Variants in ZFTRAF1 observed in about 807,000 individuals in gnomAD.
ZFTRAF1 encodes the protein zinc finger TRAF-type and ring finger containing 1.
the ZFTRAF1 span, chr8:144,452,254 G>T: frequency 7.8e-7 from 1 of 1,287,282 alleles, no homozygotes; most frequent in Non-Finnish European, 1.1e-6. Context: ...CGGCTGTCCG[G>T]CGCTGTCAGT....
At chr8:144,460,997 C>G in the ZFTRAF1 span, among the ~76,000 whole-genome samples, 1 of 152,238 alleles carries the variant, frequency 6.6e-6, no homozygotes, top group Non-Finnish European at 1.5e-5. Flanking sequence ...CAAGGAGTAA[C>G]TGCTAACTCT....
chr8:144,453,656 T>C, the ZFTRAF1 span: 2 of 588,208 alleles, frequency 3.4e-6, no homozygotes, highest in Non-Finnish European at 6.0e-6. Context: ...CAGAGCCAGC[T>C]TGGGTTCTTG....
At chr8:144,452,481 G>A in the ZFTRAF1 span, 1 of 1,547,582 alleles carries the variant, frequency 6.5e-7, no homozygotes. Context: ...TGTCTTGGTC[G>A]GGTGGGCGCA....
At chr8:144,458,294 C>T in the ZFTRAF1 span, among the ~76,000 whole-genome samples, 14 of 152,234 alleles carry the variant, frequency 9.2e-5, no homozygotes, top group Non-Finnish European at 1.8e-4. Context: ...CTGCTTAGAT[C>T]TAAAAGTAAC....
At chr8:144,461,941 G>A in the ZFTRAF1 span, among the ~76,000 whole-genome samples, 2 of 152,160 alleles carry the variant, frequency 1.3e-5, no homozygotes, top group African/African-American at 4.8e-5. Context: ...ATCAGTTTGA[G>A]GCTGTGGGTT....
At chr8:144,452,698 C>T in the ZFTRAF1 span, 3 of 842,844 alleles carry the variant, frequency 3.6e-6, no homozygotes, top group Non-Finnish European at 5.5e-6. Context: ...TGTGAGCCCA[C>T]CCCCCAGGAT....
At chr8:144,457,993 G>A in the ZFTRAF1 span, 3 of 152,384 alleles carry the variant, frequency 2.0e-5, no homozygotes, top group Non-Finnish European at 4.4e-5. Flanking sequence ...TGCTCAGCCA[G>A]TTGGAGGTCC....
the ZFTRAF1 span, among the ~76,000 whole-genome samples, chr8:144,458,630 G>A: frequency 6.6e-6 from 1 of 152,182 alleles, no homozygotes; most frequent in African/African-American, 2.4e-5. Context: ...CTGTCAACAT[G>A]TGGCATAGAG....
At chr8:144,462,439 G>A in the ZFTRAF1 span, 7 of 265,964 alleles carry the variant, frequency 2.6e-5, no homozygotes, top group African/African-American at 1.6e-4. Context: ...GCGCGTCGGG[G>A]TCGCCGGCCG....
chr8:144,456,231 CCCGA>C, the ZFTRAF1 span: 3 of 152,480 alleles, frequency 2.0e-5, no homozygotes, highest in African/African-American at 7.2e-5. Context: ...ATGGCCCGGT[CCCGA>C]CCAACACTCA....
chr8:144,458,739 T>C, the ZFTRAF1 span, among the ~76,000 whole-genome samples: 1 of 152,060 alleles, frequency 6.6e-6, no homozygotes, highest in African/African-American at 2.4e-5. Flanking sequence ...GGGATCCTTG[T>C]AGCAAGGAGA....
the ZFTRAF1 span, chr8:144,450,077 G>GCCTCTCGGCCT: frequency 2.4e-6 from 1 of 413,694 alleles, no homozygotes; most frequent in African/African-American, 2.0e-5. Context: ...GGGTCGCTGT[G>GCCTCTCGGCCT]CCTCTCGGCC....
At chr8:144,462,167 G>A in the ZFTRAF1 span, 7 of 371,174 alleles carry the variant, frequency 1.9e-5, no homozygotes, top group East Asian at 8.6e-5. Flanking sequence ...GCCAGAGAGG[G>A]TTCCCGGCCG....
the ZFTRAF1 span, among the ~76,000 whole-genome samples, chr8:144,450,923 CG>C: frequency 6.6e-6 from 1 of 152,142 alleles, no homozygotes; most frequent in Non-Finnish European, 1.5e-5. Flanking sequence ...GCAAGCCAAA[CG>C]CAACTATGGC....
the ZFTRAF1 span, chr8:144,462,356 T>C: frequency 2.0e-6 from 1 of 489,730 alleles, no homozygotes; most frequent in Non-Finnish European, 3.7e-6. Flanking sequence ...CTCCTCCAGT[T>C]TCCCGCTGCC....
At chr8:144,459,656 G>T in the ZFTRAF1 span, among the ~76,000 whole-genome samples, 1 of 152,210 alleles carries the variant, frequency 6.6e-6, no homozygotes, top group African/African-American at 2.4e-5. Flanking sequence ...ACAAGCTCTC[G>T]AGTTACTGAG....
chr8:144,452,703 C>T, the ZFTRAF1 span: 5 of 800,022 alleles, frequency 6.2e-6, no homozygotes, highest in Non-Finnish European at 7.8e-6. Flanking sequence ...GCCCACCCCC[C>T]AGGATGAGGT....
chr8:144,462,107 G>C, the ZFTRAF1 span, among the ~76,000 whole-genome samples: 1 of 152,192 alleles, frequency 6.6e-6, no homozygotes, highest in Non-Finnish European at 1.5e-5. Context: ...ACAACGAGGA[G>C]CTTCGGAGCA....
chr8:144,453,683 T>C, the ZFTRAF1 span: 6 of 551,764 alleles, frequency 1.1e-5, no homozygotes, highest in South Asian at 1.3e-4. Context: ...TTAGAGGTCC[T>C]AAAAGCAAGG....
Sources: gnomAD v4.1 joint callset for allele counts (sites outside exome capture counted in the v4.1 genomes callset) on GRCh38, gnomAD v4.1.1 for gene constraint, MANE v1.5 for transcripts, NCBI Gene and HGNC (gene_info 2026-07-23, HGNC 2026-07-21) for gene names.